Variants in TBC1D4 observed in about 807,000 individuals in gnomAD.
TBC1D4 encodes TBC1 domain family member 4, also known as TBC (Tre-2, BUB2, CDC16) domain-containing protein.
In TBC1D4, 121 loss-of-function variants were observed where a neutral mutation model predicts 142.5. The observed-to-expected ratio is 0.85, with a 90% CI of 0.73 to 0.99. TBC1D4 has a LOEUF of 0.99. Ranked by LOEUF, TBC1D4 falls within the 50% of genes least tolerant of loss-of-function variation. The pLI is 0.00. For synonymous variants in TBC1D4, 630 were observed against 628.2 expected, an observed-to-expected ratio of 1.00 and a Z score of -0.04; for missense variants, 1,475 against 1,606.6, an observed-to-expected ratio of 0.92 and a Z score of 1.40.
chr13:75,436,757 A>G (rs1886816906), intron 1 of TBC1D4, among the ~76,000 whole-genome samples: 1 of 152,194 alleles, frequency 6.6e-6, no homozygotes, highest in South Asian at 2.1e-4. Flanking sequence ...TTGATTAAAA[A>G]GCATCTCCCC....
chr13:75,364,638 A>T (rs1882793115), intron 1 of TBC1D4, among the ~76,000 whole-genome samples: 1 of 152,268 alleles, frequency 6.6e-6, no homozygotes, highest in Non-Finnish European at 1.5e-5. Flanking sequence ...GAGCTAGCTG[A>T]CACTCAACCG....
intron 1 of TBC1D4, among the ~76,000 whole-genome samples, chr13:75,406,079 G>A (rs770917149): frequency 5.9e-5 from 9 of 152,158 alleles, no homozygotes; most frequent in East Asian, 1.9e-4. Context: ...GAATTCGTTC[G>A]CTCCGGCCTT....
At chr13:75,294,731 C>T in intron 18 of TBC1D4, 123 bp downstream of exon 18, 2 of 997,660 alleles carry the variant, frequency 2.0e-6, no homozygotes, top group Non-Finnish European at 3.0e-6. Context: ...TATTAAATTC[C>T]ATTAGCAATT....
intron 1 of TBC1D4, among the ~76,000 whole-genome samples, chr13:75,374,329 A>G (rs764689168): frequency 4.6e-5 from 7 of 152,198 alleles, no homozygotes; most frequent in Non-Finnish European, 8.8e-5. Context: ...TCAGTATCCC[A>G]AAGCCCTTTC....
intron 11 of TBC1D4, 50 bp from the exon 12 acceptor site, chr13:75,320,087 C>A: frequency 6.2e-7 from 1 of 1,602,654 alleles, no homozygotes; most frequent in South Asian, 1.1e-5. Context: ...CAAATATGTC[C>A]AAATCAGGAT....
intron 1 of TBC1D4, among the ~76,000 whole-genome samples, chr13:75,466,451 C>A (rs1268449098): frequency 1.1e-4 from 17 of 151,794 alleles, no homozygotes; most frequent in Admixed American, 1.1e-3. Context: ...GGATATTTAA[C>A]AATAATTTTT....
intron 12 of TBC1D4, among the ~76,000 whole-genome samples, chr13:75,314,010 A>C (rs985100326): frequency 6.6e-6 from 1 of 152,118 alleles, no homozygotes; most frequent in Non-Finnish European, 1.5e-5. Context: ...ACATCATTCT[A>C]TATTAGTGCA....
chr13:75,342,080 C>T (rs1265189456), intron 5 of TBC1D4, among the ~76,000 whole-genome samples: 2 of 152,158 alleles, frequency 1.3e-5, no homozygotes, highest in Non-Finnish European at 2.9e-5. Context: ...GGCCTGTAAT[C>T]CCAGCTACTC....
rs182852855 is a variant in TBC1D4 at position 75,355,734 on chromosome 13, A to C, written c.1275+413T>G. ...AATGAAGAAGGGGCTAATAAAATAA[A>C]AGAAGAAAACCAAAATAGCTCTCTG... On this transcript the variant is annotated intron_variant, in intron 4 of 20. Transcript: ENST00000377636. Among the ~76,000 whole-genome samples the C allele has an allele frequency of 1.8e-3, 268 of 152,372 alleles. 1 individual carries two copies. The highest frequency in any genetic ancestry group is 3.2e-3 in the Non-Finnish European group (219 of 68,036).
At chr13:75,423,978 T>A (rs1886270275) in intron 1 of TBC1D4, among the ~76,000 whole-genome samples, 3 of 152,224 alleles carry the variant, frequency 2.0e-5, no homozygotes, top group Non-Finnish European at 4.4e-5. Flanking sequence ...ATTACGTGTA[T>A]TTTTGACAGT....
In TBC1D4 at chr13:75,310,133, T is replaced by G; in HGVS notation, c.2402A>C (p.Glu801Ala). Residue 801 changes from glutamate (E) to alanine (A), a missense_variant, in exon 14 of 21, where the codon GAG becomes GCG. By Grantham distance (107) the Glu-to-Ala change is moderately radical. Coordinates refer to ENST00000377636, the MANE Select transcript of TBC1D4 (RefSeq NM_014832.5). ...AGAGAGGGGGGACAGTGGCAGCAGCTCGTTCCTGTCCAATCCATCTGCAGA... is the reference window on the plus strand; with the variant it reads ...AGAGAGGGGGGACAGTGGCAGCAGCGCGTTCCTGTCCAATCCATCTGCAGA... ...MQQQDGLDRN[E>A]LLPLSPLSPT... 1 of 1,613,814 alleles carries G rather than the reference T, an allele frequency of 6.2e-7. No individual in the cohort carries two copies. The highest frequency in any genetic ancestry group is 1.1e-5 in the South Asian group (1 of 91,050).
rs112828367 is a variant in TBC1D4, at chr13:75,314,622, A to G, written c.2223-1724T>C. Among the ~76,000 whole-genome samples, 826 of 152,240 alleles carry G rather than the reference A, an allele frequency of 5.4e-3. 6 individuals carry two copies. The highest frequency in any genetic ancestry group is 0.019 in the African/African-American group (785 of 41,536). ...TCAATATAGTCAAACTCTGGTTATT[A>G]TGCATCCTGGATAACACTATAACCC... On this transcript the variant is annotated intron_variant, in intron 12 of 20. Coordinates refer to ENST00000377636, the MANE Select transcript of TBC1D4 (RefSeq NM_014832.5).
chr13:75,433,174 C>T (rs1452409112), intron 1 of TBC1D4, among the ~76,000 whole-genome samples: 2 of 152,200 alleles, frequency 1.3e-5, no homozygotes, highest in Non-Finnish European at 2.9e-5. Context: ...TGGTGACCCA[C>T]GTACTGCCAC....
intron 7 of TBC1D4, 57 bp downstream of exon 7, chr13:75,341,068 A>T: frequency 6.6e-7 from 1 of 1,517,276 alleles, no homozygotes; most frequent in South Asian, 1.1e-5. Flanking sequence ...AAAGGGAAGA[A>T]TTAACAAAAT....
At chr13:75,374,918 A>G (rs1367645726) in intron 1 of TBC1D4, among the ~76,000 whole-genome samples, 1 of 152,204 alleles carries the variant, frequency 6.6e-6, no homozygotes, top group Non-Finnish European at 1.5e-5. Context: ...GGATGCTGCC[A>G]ATCCTTGCAC....
chr13:75,352,378 G>A (rs887879223), intron 4 of TBC1D4, among the ~76,000 whole-genome samples: 1 of 151,948 alleles, frequency 6.6e-6, no homozygotes, highest in Non-Finnish European at 1.5e-5. Flanking sequence ...GTCTTGGGCA[G>A]CTGGGTCTTT....
intron 1 of TBC1D4, among the ~76,000 whole-genome samples, chr13:75,433,095 A>C (rs1886657071): frequency 6.6e-6 from 1 of 152,004 alleles, no homozygotes; most frequent in Non-Finnish European, 1.5e-5. Flanking sequence ...CTCAACTCTC[A>C]CTCACCATTC....
intron 3 of TBC1D4, among the ~76,000 whole-genome samples, chr13:75,357,305 G>A (rs187301908): frequency 1.1e-4 from 16 of 152,238 alleles, no homozygotes; most frequent in Non-Finnish European, 1.8e-4. Context: ...GAGGAGAGAG[G>A]CTGCAATTCT....
At chr13:75,292,657 C>T (rs966328122) in intron 18 of TBC1D4, among the ~76,000 whole-genome samples, 1 of 151,606 alleles carries the variant, frequency 6.6e-6, no homozygotes, top group African/African-American at 2.4e-5. Context: ...ACTATTCAAA[C>T]TCTCATTACC....
Sources: gnomAD v4.1 joint callset for allele counts (sites outside exome capture counted in the v4.1 genomes callset) on GRCh38, gnomAD v4.1.1 for gene constraint, MANE v1.5 for transcripts, NCBI Gene and HGNC (gene_info 2026-07-23, HGNC 2026-07-21) for gene names.